The following FOXK1 variants were observed in gnomAD, a reference collection of about 807,000 sequenced individuals.
FOXK1 encodes forkhead box K1.
In FOXK1, 19 loss-of-function variants were observed where a neutral mutation model predicts 51.9. The ratio of observed to expected loss-of-function variants is 0.37; its 90% CI spans 0.26 to 0.54. FOXK1 has a LOEUF of 0.54. FOXK1 is among the 20% of genes least tolerant of loss of function. The pLI, the probability that FOXK1 is intolerant of heterozygous loss-of-function variation, is 0.87. For synonymous variants in FOXK1, 537 were observed against 482.6 expected (o/e 1.11, Z -1.48); for missense variants, 870 against 1,032.7 (o/e 0.84, Z 2.16).
Position 4,722,276 on chromosome 7 carries a change from TC to T in FOXK1, c.561-18559del, listed in dbSNP as rs1200349557. On this transcript the variant is annotated intron_variant, in intron 1 of 8. Transcript: ENST00000328914. This position sits in a 1 kb window ranked among gnomAD's most constrained non-coding sequence, Gnocchi z 5.1. ...TTGCATTCTCTGCCTTTCCCGAGCG[TC>T]CCTGCCTCAGATTCCAAAATCTGTT... Among the ~76,000 whole-genome samples, 2 of 132,784 alleles carry T rather than the reference TC, an allele frequency of 1.5e-5. No individual in the cohort carries two copies. The highest frequency in any genetic ancestry group is 3.7e-5 in the Non-Finnish European group (2 of 54,352). The allele number at this position is 132,784 out of a possible 152,430, so 87.1% of individuals were successfully genotyped here.
Position 4,715,262 on chromosome 7 carries a change from T to A in FOXK1, c.561-25576T>A, listed in dbSNP as rs1780220250. ...GGCGAAATTGTGATACGGTGCATGG[T>A]GTTTTGTTTCAAGGAGAGATCGTAA... On this transcript the variant is annotated intron_variant, in intron 1 of 8. Transcript: ENST00000328914. This position sits in a 1 kb window ranked among gnomAD's most constrained non-coding sequence, Gnocchi z 4.5. Among the ~76,000 whole-genome samples, 1 of 151,966 alleles carries A rather than the reference T, an allele frequency of 6.6e-6. No homozygotes were observed. The highest frequency in any genetic ancestry group is 1.5e-5 in the Non-Finnish European group (1 of 67,990).
rs1780114283 is a variant in FOXK1, at chr7:4,707,294, GCTT to G, written c.560+24427_560+24429del. Among the ~76,000 whole-genome samples the G allele has an allele frequency of 3.9e-5, 6 of 152,186 alleles. No homozygotes were observed. The highest frequency in any genetic ancestry group is 3.9e-4 in the Admixed American group (6 of 15,274). ...TGGTAAAGAGCAGGTCTGGCTCAGTGCTTATTTCAGGGAAAACTCTTGTGATGA... is the reference window on the plus strand; with the variant it reads ...TGGTAAAGAGCAGGTCTGGCTCAGTGATTTCAGGGAAAACTCTTGTGATGA... On this transcript the variant is annotated intron_variant, in intron 1 of 8. Transcript: ENST00000328914. This position sits in a 1 kb window ranked among gnomAD's most constrained non-coding sequence, Gnocchi z 4.1.
rs1449754112 is a variant in FOXK1 at position 4,709,014 on chromosome 7, A to G, written c.560+26146A>G. 2.0e-5 allele frequency among the ~76,000 whole-genome samples: 3 copies of G among 151,442 alleles called. No individual in the cohort carries two copies. The highest frequency in any genetic ancestry group is 2.0e-4 in the Admixed American group (3 of 15,230). Reference sequence around the variant, plus strand: ...CGAGAGGTGGAGGTTGCAGTGAGCCAAGATCGCCCCACTGCACTCCAGCCT... The same window carrying G: ...CGAGAGGTGGAGGTTGCAGTGAGCCGAGATCGCCCCACTGCACTCCAGCCT... On this transcript the variant is annotated intron_variant, in intron 1 of 8. Transcript: ENST00000328914. The surrounding 1 kb of genome is among the most constrained non-coding windows in gnomAD (Gnocchi z 5.6).
chr7:4,721,589 CTTTTTTTT>C (rs200132324), intron 1 of FOXK1, among the ~76,000 whole-genome samples: 3 of 112,656 alleles, frequency 2.7e-5, no homozygotes, highest in Admixed American at 9.4e-5. Context: ...TCTTTTTTTT[CTTTTTTTT>C]TTTTTTTTTT....
chr7:4,711,322 C>T lies in FOXK1; in HGVS notation c.560+28454C>T, dbSNP rs1019334679. Among the ~76,000 whole-genome samples the T allele has an allele frequency of 2.6e-5, 4 of 152,074 alleles. No individual in the cohort carries two copies. Among genetic ancestry groups the T allele is most frequent in the Admixed American group, 6.6e-5 (1 of 15,266 alleles). On this transcript the variant is annotated intron_variant, in intron 1 of 8. Coordinates refer to ENST00000328914, the MANE Select transcript of FOXK1 (RefSeq NM_001037165.2). The surrounding 1 kb of genome is among the most constrained non-coding windows in gnomAD (Gnocchi z 6.3). ...GGATGTATCAGTCAGGGAGGCTGGGCGCAGTAATAAACACGCCCAGAGTGG... is the reference window on the plus strand; with the variant it reads ...GGATGTATCAGTCAGGGAGGCTGGGTGCAGTAATAAACACGCCCAGAGTGG...
chr7:4,693,512 T>G (rs1779918436), intron 1 of FOXK1, among the ~76,000 whole-genome samples: 1 of 152,318 alleles, frequency 6.6e-6, no homozygotes, highest in African/African-American at 2.4e-5. Flanking sequence ...GTACAGTAAT[T>G]TTTTGATGAT....
chr7:4,745,118 A>G lies in FOXK1; in HGVS notation c.746+4095A>G, dbSNP rs1411512690. Among the ~76,000 whole-genome samples, 1 of 152,028 alleles carries G rather than the reference A, an allele frequency of 6.6e-6. No homozygotes were observed. The highest frequency in any genetic ancestry group is 1.5e-5 in the Non-Finnish European group (1 of 67,972). On this transcript the variant is annotated intron_variant, in intron 2 of 8. Coordinates refer to ENST00000328914, the MANE Select transcript of FOXK1 (RefSeq NM_001037165.2). The surrounding 1 kb of genome is among the most constrained non-coding windows in gnomAD (Gnocchi z 4.3). ...CTCCTCCTCTCTGGCTGCGCTCCCT[A>G]ACAGATCGGGAGGTGGGAGCGGGGC...
At position 4,755,109 on chromosome 7, in the gene FOXK1, C is replaced by T; in HGVS notation, c.904-128C>T. 1 of 1,217,362 alleles carries T rather than the reference C, an allele frequency of 8.2e-7. No homozygotes were observed. The highest frequency in any genetic ancestry group is 1.5e-5 in the South Asian group (1 of 67,246). 75.4% of individuals were successfully genotyped at this position (1,217,362 alleles called of 1,614,324 possible). On this transcript the variant is annotated intron_variant, in intron 3 of 8. Transcript: ENST00000328914. This position sits in a 1 kb window ranked among gnomAD's most constrained non-coding sequence, Gnocchi z 6.6. ...ACATTAATGGGATAGTTGGAGGGCA[C>T]TGGGACGGGTGCCGGCAAGACGCGC...
At chr7:4,705,351 C>A (rs1219095861) in intron 1 of FOXK1, among the ~76,000 whole-genome samples, 1 of 151,380 alleles carries the variant, frequency 6.6e-6, no homozygotes, top group Non-Finnish European at 1.5e-5. Flanking sequence ...TCACCCTGGC[C>A]AACTTTTTTT....
In FOXK1 at chr7:4,723,720, T is replaced by C. The variant is rs1168898216; in HGVS notation, c.561-17118T>C. Among the ~76,000 whole-genome samples the C allele has an allele frequency of 6.6e-6, 1 of 152,102 alleles. No homozygotes were observed. Among genetic ancestry groups the C allele is most frequent in the Admixed American group, 6.6e-5 (1 of 15,266 alleles). Reference sequence around the variant, plus strand: ...TCTTGCTCTGTCTCCCAGGCTGGAGTGCAGTGGTGCAATCGTAGCTCACTG... The same window carrying C: ...TCTTGCTCTGTCTCCCAGGCTGGAGCGCAGTGGTGCAATCGTAGCTCACTG... On this transcript the variant is annotated intron_variant, in intron 1 of 8. Transcript: ENST00000328914. The surrounding 1 kb of genome is among the most constrained non-coding windows in gnomAD (Gnocchi z 4.7).
Position 4,731,758 on chromosome 7 carries a change from C to CAAAA in FOXK1, c.561-9064_561-9061dup, listed in dbSNP as rs374959543. Among the ~76,000 whole-genome samples the CAAAA allele has an allele frequency of 1.5e-5, 1 of 68,668 alleles. No homozygotes were observed. The highest frequency in any genetic ancestry group is 4.8e-5 in the African/African-American group (1 of 20,998). The allele number at this position is 68,668 out of a possible 152,430, so 45.0% of individuals were successfully genotyped here. ...TGGGCAACAAAGCGAAACTCTGCCT[C>CAAAA]AAAAAAAAAAAAAAAAAAAGAAAAC... On this transcript the variant is annotated intron_variant, in intron 1 of 8. Coordinates refer to ENST00000328914, the MANE Select transcript of FOXK1 (RefSeq NM_001037165.2). This position sits in a 1 kb window ranked among gnomAD's most constrained non-coding sequence, Gnocchi z 5.3.
chr7:4,696,106 A>G (rs1779947711), intron 1 of FOXK1, among the ~76,000 whole-genome samples: 1 of 143,412 alleles, frequency 7.0e-6, no homozygotes, highest in African/African-American at 2.8e-5. Flanking sequence ...ACAGAGCAAG[A>G]CTGTGTCTCA....
At position 4,723,367 on chromosome 7, in the gene FOXK1, A is replaced by G. The variant is rs1780339336; in HGVS notation, c.561-17471A>G. Among the ~76,000 whole-genome samples, 1 of 151,950 alleles carries G rather than the reference A, an allele frequency of 6.6e-6. No homozygotes were observed. The highest frequency in any genetic ancestry group is 2.4e-5 in the African/African-American group (1 of 41,396). ...AACATTGGCTTAATTTGTCTTCTCA[A>G]AGCTGTTTTTGTTTTCTGTGGGGTT... On this transcript the variant is annotated intron_variant, in intron 1 of 8. Transcript: ENST00000328914. The surrounding 1 kb of genome is among the most constrained non-coding windows in gnomAD (Gnocchi z 4.7).
chr7:4,690,592 A>G lies in FOXK1; in HGVS notation c.560+7724A>G, dbSNP rs145520410. Reference sequence around the variant, plus strand: ...TACATAGAATTTTAAAAGTCAGTCTATGAGGAGGGTGTTGTCGTGTAGTAT... The same window carrying G: ...TACATAGAATTTTAAAAGTCAGTCTGTGAGGAGGGTGTTGTCGTGTAGTAT... On this transcript the variant is annotated intron_variant, in intron 1 of 8. Transcript: ENST00000328914. Among the ~76,000 whole-genome samples the G allele has an allele frequency of 3.9e-5, 6 of 152,350 alleles. No individual in the cohort carries two copies. The South Asian group carries it at 1.0e-3, about 26-fold the overall frequency.
rs767128784 is a variant in FOXK1, at chr7:4,682,673, G to A, written c.365G>A (p.Ser122Asn). 2 of 1,594,962 alleles carry A rather than the reference G, an allele frequency of 1.3e-6. No individual in the cohort carries two copies. The highest frequency in any genetic ancestry group is 1.7e-6 in the Non-Finnish European group (2 of 1,175,534). The change falls in exon 1 of 9, where the codon AGC becomes AAC. Residue 122 changes from serine (S) to asparagine (N), a missense_variant. Ser to Asn is a conservative substitution (Grantham distance 46). Transcript: ENST00000328914. The surrounding 1 kb of genome is among the most constrained non-coding windows in gnomAD (Gnocchi z 7.6). ...TTCGAGTTCCTCATGCGCCAGCCCA[G>A]CGTCACCATCGGCCGCAACTCGTCG... ...REFEFLMRQP[S>N]VTIGRNSSQG...
intron 1 of FOXK1, among the ~76,000 whole-genome samples, chr7:4,717,109 G>A (rs1358178912): frequency 6.7e-6 from 1 of 150,156 alleles, no homozygotes; most frequent in East Asian, 2.0e-4. Context: ...GTTGAGAGGT[G>A]CGTGGCTGGG....
chr7:4,757,678 AACAAT>A (rs1332327781), intron 5 of FOXK1, among the ~76,000 whole-genome samples: 23 of 151,698 alleles, frequency 1.5e-4, no homozygotes, highest in African/African-American at 4.6e-4. Context: ...ATACAAATGA[AACAAT>A]ACACACTACA....
chr7:4,765,017 G>T lies in FOXK1; in HGVS notation c.*2553G>T, dbSNP rs1027631519. The T allele has an allele frequency of 6.6e-6, 1 of 152,408 alleles. No homozygotes were observed. Among genetic ancestry groups the T allele is most frequent in the African/African-American group, 2.4e-5 (1 of 41,458 alleles). 9.4% of individuals were successfully genotyped at this position (152,408 alleles called of 1,614,324 possible). A position where few individuals can be genotyped will look rare whatever the true frequency, so the allele number is the denominator to read the frequency against. On this transcript the variant is annotated 3_prime_UTR_variant, in exon 9 of 9. Coordinates refer to ENST00000328914, the MANE Select transcript of FOXK1 (RefSeq NM_001037165.2). ...GGAGGTGGCGAGCACAGGACCCCGG[G>T]GCTGCATTCTGCCGTGTGGGGTTCT...
rs1780226842 is a variant in FOXK1, at chr7:4,715,858, C to T, written c.561-24980C>T. Reference sequence around the variant, plus strand: ...AGCAAAACTCACAAGACAATCCTTCCAGCCACTGGTCACAGGATGGCCGTT... The same window carrying T: ...AGCAAAACTCACAAGACAATCCTTCTAGCCACTGGTCACAGGATGGCCGTT... On this transcript the variant is annotated intron_variant, in intron 1 of 8. Transcript: ENST00000328914. This position sits in a 1 kb window ranked among gnomAD's most constrained non-coding sequence, Gnocchi z 4.5. Among the ~76,000 whole-genome samples the T allele has an allele frequency of 2.6e-5, 4 of 152,194 alleles. No homozygotes were observed. The South Asian group carries it at 6.2e-4, about 24-fold the overall frequency.
Sources: gnomAD v4.1 joint callset for allele counts (sites outside exome capture counted in the v4.1 genomes callset) on GRCh38, gnomAD v4.1.1 for gene constraint, Gnocchi (gnomAD v3.1) non-coding constraint, MANE v1.5 for transcripts, NCBI Gene and HGNC (gene_info 2026-07-23, HGNC 2026-07-21) for gene names.